The following ADARB2 variants were observed in gnomAD, a reference collection of about 807,000 sequenced individuals.
The protein encoded by ADARB2 is adenosine deaminase RNA specific B2 (inactive), also known as inactive double-stranded RNA-specific editase B2.
A neutral mutation model predicts 62.2 loss-of-function variants in ADARB2; 25 were observed. The ratio of observed to expected loss-of-function variants is 0.40; its 90% CI spans 0.29 to 0.56. The LOEUF (loss-of-function observed/expected upper bound fraction) is 0.56, where lower values mean the gene tolerates loss of function less well. ADARB2 is among the 20% of genes least tolerant of loss of function. The pLI, the probability that ADARB2 is intolerant of heterozygous loss-of-function variation, is 0.43. For synonymous variants in ADARB2, 572 were observed against 500.8 expected, an observed-to-expected ratio of 1.14 and a Z score of -1.90; for missense variants, 1,071 against 1,077.4, an observed-to-expected ratio of 0.99 and a Z score of 0.08.
chr10:1,242,374 T>C, intron 4 of ADARB2, 75 bp from the exon 5 acceptor site: 1 of 1,458,788 alleles, frequency 6.9e-7, no homozygotes, highest in South Asian at 1.3e-5. Flanking sequence ...TTTCAGGGTC[T>C]CACAACAGCG....
chr10:1,382,854 C>T (rs1218255522), intron 1 of ADARB2, among the ~76,000 whole-genome samples: 4 of 152,110 alleles, frequency 2.6e-5, no homozygotes, highest in Admixed American at 1.3e-4. Flanking sequence ...ACTCTAGAAA[C>T]GTCAGGGGTC....
At chr10:1,678,192 C>T (rs1269945566) in intron 1 of ADARB2, 40 of 985,338 alleles carry the variant, frequency 4.1e-5, no homozygotes, top group Non-Finnish European at 4.8e-5. Flanking sequence ...GGCAATGCCA[C>T]AGGACCTCAG....
At chr10:1,326,720 AGCGCCTCCCCATGGCACG>A (rs1831850329) in intron 3 of ADARB2, among the ~76,000 whole-genome samples, 1 of 148,144 alleles carries the variant, frequency 6.8e-6, no homozygotes, top group East Asian at 2.0e-4. Context: ...GTCTCCTCAC[AGCGCCTCCCCATGGCACG>A]GCGCCTCCCG....
At chr10:1,495,199 T>TTAA (rs1831670906) in intron 1 of ADARB2, among the ~76,000 whole-genome samples, 1 of 152,210 alleles carries the variant, frequency 6.6e-6, no homozygotes, top group Non-Finnish European at 1.5e-5. Context: ...AAAACCAACC[T>TTAA]TGCAAGAATA....
At chr10:1,504,961 A>G (rs1354233443) in intron 1 of ADARB2, among the ~76,000 whole-genome samples, 1 of 151,482 alleles carries the variant, frequency 6.6e-6, no homozygotes, top group Non-Finnish European at 1.5e-5. Context: ...GACACACATG[A>G]CACACACAGA....
At chr10:1,625,597 A>G (rs1233743034) in intron 1 of ADARB2, among the ~76,000 whole-genome samples, 1 of 152,140 alleles carries the variant, frequency 6.6e-6, no homozygotes. Flanking sequence ...GGGAGTCCCC[A>G]CTGGCTTTGT....
chr10:1,303,630 A>C (rs1361526530), intron 3 of ADARB2, among the ~76,000 whole-genome samples: 1 of 151,526 alleles, frequency 6.6e-6, no homozygotes, highest in African/African-American at 2.4e-5. Flanking sequence ...GCCAGAGAGA[A>C]GGGTCGGGTT....
At chr10:1,602,479 C>G (rs1388213177) in intron 1 of ADARB2, among the ~76,000 whole-genome samples, 3 of 152,160 alleles carry the variant, frequency 2.0e-5, no homozygotes, top group Non-Finnish European at 2.9e-5. Context: ...ATCCCTCCGG[C>G]ATCCATCGAC....
intron 7 of ADARB2, 130 bp from the exon 8 acceptor site, chr10:1,200,277 T>A: frequency 1.6e-6 from 2 of 1,266,216 alleles, no homozygotes; most frequent in Non-Finnish European, 2.3e-6. Flanking sequence ...GGGAGCTCCC[T>A]GGGAGTGCCC....
chr10:1,253,093 G>C (rs965741927), intron 4 of ADARB2, among the ~76,000 whole-genome samples: 2 of 152,202 alleles, frequency 1.3e-5, no homozygotes, highest in African/African-American at 4.8e-5. Context: ...GAATTTAATT[G>C]TGTTCAGTTA....
intron 6 of ADARB2, among the ~76,000 whole-genome samples, chr10:1,227,083 A>G (rs986313532): frequency 2.6e-5 from 4 of 152,218 alleles, no homozygotes; most frequent in Admixed American, 1.3e-4. Flanking sequence ...TTGTTTATCT[A>G]ATCAAACAAC....
intron 3 of ADARB2, among the ~76,000 whole-genome samples, chr10:1,337,169 TGCATGTTTATAA>T (rs1332471139): frequency 6.6e-6 from 1 of 151,926 alleles, no homozygotes; most frequent in African/African-American, 2.4e-5. Context: ...GTCCAGATAG[TGCATGTTTATAA>T]GCATGTGGTG....
chr10:1,345,138 G>C (rs543501397), intron 3 of ADARB2, among the ~76,000 whole-genome samples: 2 of 152,198 alleles, frequency 1.3e-5, no homozygotes, highest in East Asian at 3.9e-4. Flanking sequence ...GCCGCAGCCT[G>C]GGGGGTGAGG....
chr10:1,433,477 A>C (rs1830797605), intron 1 of ADARB2, among the ~76,000 whole-genome samples: 1 of 152,202 alleles, frequency 6.6e-6, no homozygotes, highest in Non-Finnish European at 1.5e-5. Context: ...GTCTCCTGCA[A>C]CCCTCATCAC....
chr10:1,315,684 G>A (rs554163193), intron 3 of ADARB2, among the ~76,000 whole-genome samples: 3 of 152,244 alleles, frequency 2.0e-5, no homozygotes, highest in East Asian at 3.9e-4. Flanking sequence ...AGGTGAAGAC[G>A]CCCCTTCCCT....
chr10:1,591,554 G>A (rs1490892792), intron 1 of ADARB2, among the ~76,000 whole-genome samples: 1 of 152,092 alleles, frequency 6.6e-6, no homozygotes, highest in African/African-American at 2.4e-5. Flanking sequence ...TGTCTTCAGT[G>A]TCTGTGCAAT....
At chr10:1,355,581 G>T (rs1832187037) in intron 3 of ADARB2, among the ~76,000 whole-genome samples, 1 of 152,238 alleles carries the variant, frequency 6.6e-6, no homozygotes, top group African/African-American at 2.4e-5. Flanking sequence ...AGTAATCATG[G>T]CTGTGGAATA....
chr10:1,596,933 TG>T (rs961870895), intron 1 of ADARB2, among the ~76,000 whole-genome samples: 7 of 151,928 alleles, frequency 4.6e-5, no homozygotes, highest in African/African-American at 1.2e-4. Context: ...CAAAAGGGAA[TG>T]GGGGGGCTTC....
chr10:1,343,312 AG>A (rs1832049466), intron 3 of ADARB2, among the ~76,000 whole-genome samples: 1 of 152,242 alleles, frequency 6.6e-6, no homozygotes, highest in African/African-American at 2.4e-5. Flanking sequence ...AACCACAATG[AG>A]ATACCATCTC....
Sources: gnomAD v4.1 joint callset for allele counts (sites outside exome capture counted in the v4.1 genomes callset) on GRCh38, gnomAD v4.1.1 for gene constraint, MANE v1.5 for transcripts, NCBI Gene and HGNC (gene_info 2026-07-23, HGNC 2026-07-21) for gene names.